PRKDC: variants seen among roughly 807,000 people sequenced by gnomAD.
PRKDC encodes DNA-dependent protein kinase catalytic subunit.
Under a neutral mutation model 486.9 loss-of-function variants are expected in PRKDC, and 82 were observed. The observed-to-expected ratio is 0.17, with a 90% CI of 0.14 to 0.20. PRKDC has a LOEUF of 0.20. Among genes scored for constraint, PRKDC ranks in the 10% least tolerant of loss-of-function variants. The pLI is 1.00. For missense variants in PRKDC, 4,504 were observed against 5,038.2 expected (o/e 0.89, Z 3.21); for synonymous variants, 1,895 against 1,837.0 (o/e 1.03, Z -0.81).
intron 7 of PRKDC, among the ~76,000 whole-genome samples, chr8:47,948,273 C>G: frequency 6.6e-6 from 1 of 151,124 alleles, no homozygotes; most frequent in Admixed American, 6.6e-5. Context: ...CCATGCCCAG[C>G]TAATTTTTGT....
At chr8:47,893,523 T>A in intron 30 of PRKDC, 136 bp from the exon 31 acceptor site, 1 of 915,266 alleles carries the variant, frequency 1.1e-6, no homozygotes, top group Non-Finnish European at 1.5e-6. Flanking sequence ...TCACTGTAAT[T>A]ACTTCCAAGA....
chr8:47,835,993 C>T (rs1376164152), intron 58 of PRKDC, among the ~76,000 whole-genome samples: 1 of 152,154 alleles, frequency 6.6e-6, no homozygotes, highest in Admixed American at 6.5e-5. Context: ...GTGCGGAACT[C>T]CTGGGCTCAA....
rs773825928 is a variant in PRKDC at position 47,826,888 on chromosome 8, G to A, written c.8578-27C>T. The A allele has an allele frequency of 3.9e-6, 6 of 1,534,872 alleles. No homozygotes were observed. The East Asian group carries it at 1.4e-4, about 37-fold the overall frequency. On this transcript the variant is annotated intron_variant, in intron 62 of 85. Transcript: ENST00000314191. ...TGTGAAACCACACATACAACCAGCT[G>A]TTTAGCTTGTGGTACTTGGACCATG...
chr8:47,939,351 A>G (rs527291094), intron 11 of PRKDC, among the ~76,000 whole-genome samples, 200 bp downstream of exon 11: 2 of 152,362 alleles, frequency 1.3e-5, no homozygotes, highest in African/African-American at 4.8e-5. Context: ...TAAGTTTCAC[A>G]TCCAGCACAC....
rs1466355747 is a variant in PRKDC at position 47,840,008 on chromosome 8, T to C, written c.7454+8A>G. ...GTAACAAAATAAAATAGTCAATGTATAGCTTACCTGTAATTATCATGAATC... is the reference window on the plus strand; with the variant it reads ...GTAACAAAATAAAATAGTCAATGTACAGCTTACCTGTAATTATCATGAATC... On this transcript the variant is annotated splice_region_variant and intron_variant, in intron 55 of 85. Transcript: ENST00000314191. 1.3e-5 allele frequency: 20 copies of C among 1,526,356 alleles called. No homozygotes were observed. The highest frequency in any genetic ancestry group is 1.6e-5 in the Non-Finnish European group (18 of 1,130,098). The allele number at this position is 1,526,356 out of a possible 1,614,324, so 94.6% of individuals were successfully genotyped here. A position where few individuals can be genotyped will look rare whatever the true frequency, so the allele number is the denominator to read the frequency against.
rs2088503221 is a variant in PRKDC, at chr8:47,855,095, A to T, written c.6761+127T>A. 4 of 1,016,836 alleles carry T rather than the reference A, an allele frequency of 3.9e-6. No homozygotes were observed. The South Asian group carries it at 5.4e-5, about 14-fold the overall frequency. The allele number at this position is 1,016,836 out of a possible 1,614,324, so 63.0% of individuals were successfully genotyped here. ...ACACTCTGGAGGCTGTGGTTTTATT[A>T]GTAACAATAAATTATTTTCTTCCTC... On this transcript the variant is annotated intron_variant, in intron 50 of 85. Transcript: ENST00000314191.
rs772097156 is a variant in PRKDC at position 47,837,376 on chromosome 8, A to G, written c.7597T>C (p.Ser2533Pro). 5.0e-6 allele frequency: 8 copies of G among 1,612,450 alleles called. No homozygotes were observed. In the East Asian group the frequency reaches 1.1e-4, roughly 22 times the overall value. ...NFWSHETRLPSNTLDRLLALN... is the reference protein window; with the variant it reads ...NFWSHETRLPPNTLDRLLALN... Reference sequence around the variant, plus strand: ...GCCAGCAACCGGTCCAAGGTATTTGAAGGTAACCTAGTTTCATGGCTCCAG... The same window carrying G: ...GCCAGCAACCGGTCCAAGGTATTTGGAGGTAACCTAGTTTCATGGCTCCAG... The change falls in exon 57 of 86, where the codon TCA (serine) becomes CCA (proline). Residue 2533 changes from serine to proline, a missense_variant. Physicochemically the swap from Ser to Pro is moderately conservative, Grantham distance 74. This residue lies in a region of PRKDC where 1,592 missense variants were observed against 1,724.6 expected (regional missense o/e 0.92). Coordinates refer to ENST00000314191, the MANE Select transcript of PRKDC (RefSeq NM_006904.7).
chr8:47,898,451 A>G lies in PRKDC; in HGVS notation c.3464+19T>C. 6.5e-7 allele frequency: 1 copy of G among 1,530,180 alleles called. No homozygotes were observed. Among genetic ancestry groups the G allele is most frequent in the South Asian group, 1.2e-5 (1 of 82,974 alleles). 94.8% of individuals were successfully genotyped at this position (1,530,180 alleles called of 1,614,324 possible). Reference sequence around the variant, plus strand: ...TTTATGTTGTGGGAAAAGACGGAAAAGGAAGCAAGATCACCTACCGCGGCA... The same window carrying G: ...TTTATGTTGTGGGAAAAGACGGAAAGGGAAGCAAGATCACCTACCGCGGCA... On this transcript the variant is annotated intron_variant, in intron 29 of 85. Coordinates refer to ENST00000314191, the MANE Select transcript of PRKDC (RefSeq NM_006904.7).
At chr8:47,866,906 T>A (rs1366122703) in intron 40 of PRKDC, among the ~76,000 whole-genome samples, 9 of 152,178 alleles carry the variant, frequency 5.9e-5, no homozygotes, top group Admixed American at 4.6e-4. Context: ...ATTATTATTT[T>A]AAAATATTTT....
At chr8:47,807,452 T>A in intron 68 of PRKDC, 126 bp from the exon 69 acceptor site, 1 of 800,820 alleles carries the variant, frequency 1.2e-6, no homozygotes, top group Non-Finnish European at 1.8e-6. Context: ...GGAGTCTCAC[T>A]CTGTTGCCCA....
intron 83 of PRKDC, 79 bp downstream of exon 83, chr8:47,778,380 C>T (rs1341278203): frequency 1.4e-6 from 2 of 1,433,010 alleles, no homozygotes; most frequent in Non-Finnish European, 1.9e-6. Flanking sequence ...TCCTTAAAAA[C>T]TGTCTATTTC....
intron 21 of PRKDC, among the ~76,000 whole-genome samples, chr8:47,924,139 T>C (rs1001179403): frequency 6.6e-6 from 1 of 152,228 alleles, no homozygotes; most frequent in Non-Finnish European, 1.5e-5. Flanking sequence ...CCTGTGACAT[T>C]TCCCCCATCA....
intron 66 of PRKDC, among the ~76,000 whole-genome samples, 184 bp from the exon 67 acceptor site, chr8:47,819,694 A>G (rs915131753): frequency 6.6e-6 from 1 of 152,154 alleles, no homozygotes; most frequent in Non-Finnish European, 1.5e-5. Flanking sequence ...ATTTTAAAAA[A>G]AAATTTAAGG....
chr8:47,909,565 T>C (rs1294321041), intron 25 of PRKDC, among the ~76,000 whole-genome samples: 2 of 152,194 alleles, frequency 1.3e-5, no homozygotes, highest in Admixed American at 1.3e-4. Context: ...CAAGGGAAGA[T>C]AACCATAAGG....
chr8:47,943,981 C>T lies in PRKDC; in HGVS notation c.770G>A (p.Arg257His), dbSNP rs751033481. The change falls in exon 8 of 86, where the codon CGT becomes CAT. Residue 257 changes from arginine (R) to histidine (H), a missense_variant. Arg to His is a conservative substitution (Grantham distance 29). Around this residue, in one of 6 missense-constraint regions of PRKDC, gnomAD observed 1,969 missense variants for 2,068.9 expected, o/e 0.95. Coordinates refer to ENST00000314191, the MANE Select transcript of PRKDC (RefSeq NM_006904.7). ...EIFNFVLKAIRPQIDLKRYAV... is the reference protein window; with the variant it reads ...EIFNFVLKAIHPQIDLKRYAV... ...TAGTAATATTAATCCTACCTGAGGACGAATTGCCTTTAGTACAAAATTAAA... is the reference window on the plus strand; with the variant it reads ...TAGTAATATTAATCCTACCTGAGGATGAATTGCCTTTAGTACAAAATTAAA... 4 of 1,563,938 alleles carry T rather than the reference C, an allele frequency of 2.6e-6. No individual in the cohort carries two copies. Among genetic ancestry groups the T allele is most frequent in the African/African-American group, 2.7e-5 (2 of 73,220 alleles).
chr8:47,936,626 C>A, intron 11 of PRKDC, 109 bp from the exon 12 acceptor site: 1 of 1,134,482 alleles, frequency 8.8e-7, no homozygotes, highest in Non-Finnish European at 1.2e-6. Flanking sequence ...AACAAGGCTT[C>A]TTTTTTTTTT....
At chr8:47,940,262 G>A (rs1162645242) in intron 10 of PRKDC, among the ~76,000 whole-genome samples, 2 of 152,232 alleles carry the variant, frequency 1.3e-5, no homozygotes, top group Non-Finnish European at 2.9e-5. Flanking sequence ...ATTAAGTGAT[G>A]CAAGGGGAAA....
intron 52 of PRKDC, among the ~76,000 whole-genome samples, chr8:47,852,426 T>C (rs1214787468): frequency 6.6e-6 from 1 of 152,232 alleles, no homozygotes; most frequent in Non-Finnish European, 1.5e-5. Context: ...TGATTTTACA[T>C]TACCAAGTCG....
chr8:47,819,648 A>C, intron 66 of PRKDC, 138 bp from the exon 67 acceptor site: 1 of 443,136 alleles, frequency 2.3e-6, no homozygotes, highest in Non-Finnish European at 3.9e-6. Flanking sequence ...CAGAATGGTT[A>C]ATAATTAGAT....
Sources: gnomAD v4.1 joint callset for allele counts (sites outside exome capture counted in the v4.1 genomes callset) on GRCh38, gnomAD v4.1.1 for gene constraint, gnomAD v4.1.1 regional missense constraint, MANE v1.5 for transcripts, NCBI Gene and HGNC (gene_info 2026-07-23, HGNC 2026-07-21) for gene names.